The following CACNA2D3 variants were observed in gnomAD, a reference collection of about 807,000 sequenced individuals.
CACNA2D3 encodes the protein voltage-dependent calcium channel subunit alpha-2/delta-3.
CACNA2D3 carries 60 observed loss-of-function variants against 160.6 expected under a neutral mutation model. That is an observed-to-expected ratio of 0.37 (90% CI 0.30 to 0.46). The LOEUF (loss-of-function observed/expected upper bound fraction) is 0.46, where lower values mean the gene tolerates loss of function less well. Ranked by LOEUF, CACNA2D3 falls within the 20% of genes least tolerant of loss-of-function variation. The pLI is 1.00. For missense variants in CACNA2D3, 1,205 were observed against 1,365.0 expected, an observed-to-expected ratio of 0.88 and a Z score of 1.85; for synonymous variants, 558 against 492.9, an observed-to-expected ratio of 1.13 and a Z score of -1.75.
intron 4 of CACNA2D3, among the ~76,000 whole-genome samples, chr3:54,492,797 A>G (rs188119452): frequency 6.6e-6 from 1 of 152,324 alleles, no homozygotes; most frequent in East Asian, 1.9e-4. Context: ...TCATTGAAAA[A>G]GAAAAAACCT....
At chr3:54,726,388 A>C (rs575339539) in intron 11 of CACNA2D3, among the ~76,000 whole-genome samples, 219 of 152,256 alleles carry the variant, frequency 1.4e-3, no homozygotes, top group African/African-American at 5.0e-3. Flanking sequence ...CACTGACTTT[A>C]TTCACAGAAT....
chr3:54,911,633 G>C (rs1575365785), intron 27 of CACNA2D3, among the ~76,000 whole-genome samples: 1 of 151,864 alleles, frequency 6.6e-6, no homozygotes, highest in Non-Finnish European at 1.5e-5. Context: ...TCCCTCAGTG[G>C]GCCGCTCCAC....
At chr3:54,739,425 C>CAAAAAAAAAAAAA (rs780105524) in intron 11 of CACNA2D3, among the ~76,000 whole-genome samples, 2 of 85,322 alleles carry the variant, frequency 2.3e-5, no homozygotes, top group African/African-American at 4.9e-5. Flanking sequence ...GACTCTGTCT[C>CAAAAAAAAAAAAA]AAAAAAAAAA....
rs1473433380 is a variant in CACNA2D3 at position 54,624,908 on chromosome 3, C to T, written c.964-2879C>T. On this transcript the variant is annotated intron_variant, in intron 9 of 37. Coordinates refer to ENST00000474759, the MANE Select transcript of CACNA2D3 (RefSeq NM_018398.3). The stretch of plus-strand genomic sequence containing the variant: ...ATGGTGGTCACAAGCCTGATTTCCA[C>T]CGGGGGTGGTTGTTGGTGAAGGCAG... Among the ~76,000 whole-genome samples the T allele has an allele frequency of 2.0e-5, 3 of 152,336 alleles. No homozygotes were observed. The East Asian group carries it at 5.8e-4, about 29-fold the overall frequency.
intron 29 of CACNA2D3, among the ~76,000 whole-genome samples, chr3:54,972,519 A>G (rs1183024941): frequency 6.6e-6 from 1 of 152,018 alleles, no homozygotes; most frequent in East Asian, 1.9e-4. Context: ...TCAGGTCTCC[A>G]TTAAAAACAG....
chr3:54,159,310 A>C (rs1700300896), intron 2 of CACNA2D3, among the ~76,000 whole-genome samples: 1 of 151,578 alleles, frequency 6.6e-6, no homozygotes, highest in East Asian at 1.9e-4. Context: ...TGCTCAGTGC[A>C]TTGTGCTTTA....
intron 35 of CACNA2D3, among the ~76,000 whole-genome samples, chr3:55,023,706 T>C (rs1298241454): frequency 6.6e-6 from 1 of 152,154 alleles, no homozygotes; most frequent in African/African-American, 2.4e-5. Flanking sequence ...GCTTCTATCA[T>C]GTATCCTATT....
chr3:54,287,671 T>G (rs1171171184), intron 2 of CACNA2D3, among the ~76,000 whole-genome samples: 16 of 143,764 alleles, frequency 1.1e-4, no homozygotes, highest in East Asian at 6.3e-4. Flanking sequence ...ACCACATACT[T>G]GGAAGTAAAG....
chr3:54,628,935 G>T (rs1699177957), intron 10 of CACNA2D3, among the ~76,000 whole-genome samples: 1 of 152,138 alleles, frequency 6.6e-6, no homozygotes, highest in South Asian at 2.1e-4. Context: ...TCCTGTGGAA[G>T]TTGGAACTAT....
intron 11 of CACNA2D3, among the ~76,000 whole-genome samples, chr3:54,661,837 G>GGT (rs1559542452): frequency 1.3e-3 from 44 of 34,832 alleles, no homozygotes; most frequent in Admixed American, 6.9e-3. Flanking sequence ...ACATCTCAGG[G>GGT]ATGTGTGTAT....
chr3:54,394,546 A>C (rs1336998178), intron 4 of CACNA2D3, among the ~76,000 whole-genome samples: 1 of 121,460 alleles, frequency 8.2e-6, no homozygotes, highest in African/African-American at 3.4e-5. Flanking sequence ...TTCAATTCCC[A>C]CCTATGAGTG....
intron 17 of CACNA2D3, among the ~76,000 whole-genome samples, chr3:54,864,949 T>C (rs1437515143): frequency 1.3e-5 from 2 of 152,038 alleles, no homozygotes; most frequent in Non-Finnish European, 2.9e-5. Flanking sequence ...TCACCTGGAG[T>C]TGTGAAAATG....
At chr3:54,617,951 G>GT (rs113051962) in intron 9 of CACNA2D3, among the ~76,000 whole-genome samples, 3,305 of 142,334 alleles carry the variant, frequency 0.023, 100 homozygotes, top group African/African-American at 0.071. Flanking sequence ...TAGAGTTTGG[G>GT]TTTTTTTTTT....
Position 54,642,233 on chromosome 3 carries a change from G to T in CACNA2D3, c.1159G>T (p.Asp387Tyr). ...DTIFAKYNWP[D>Y]RKVRIFTYLI... ...AATCTTTGCAAAATACAATTGGCCA[G>T]ATCGAAAGGTAAGTTGATGCTGATC... The change falls in exon 11 of 38, where the codon GAT becomes TAT. Residue 387 changes from aspartate to tyrosine, a missense_variant. Around this residue, in one of 3 missense-constraint regions of CACNA2D3, gnomAD observed 911 missense variants for 1,002.2 expected, o/e 0.91. Transcript: ENST00000474759. 6.2e-7 allele frequency: 1 copy of T among 1,605,882 alleles called. No individual in the cohort carries two copies. The highest frequency in any genetic ancestry group is 1.3e-5 in the African/African-American group (1 of 74,860).
chr3:54,367,301 G>A (rs777324019), intron 3 of CACNA2D3, among the ~76,000 whole-genome samples: 16 of 152,100 alleles, frequency 1.1e-4, no homozygotes, highest in Non-Finnish European at 2.2e-4. Context: ...TTACAAAAAG[G>A]CAGACCACTC....
chr3:54,149,932 C>CTCTCT (rs1559863353), intron 2 of CACNA2D3, among the ~76,000 whole-genome samples: 12 of 23,824 alleles, frequency 5.0e-4, no homozygotes, highest in African/African-American at 1.4e-3. Flanking sequence ...TCTCTCTCTC[C>CTCTCT]CTCCCTCCCT....
chr3:54,538,889 T>A (rs1326060902), intron 5 of CACNA2D3, among the ~76,000 whole-genome samples: 1 of 152,212 alleles, frequency 6.6e-6, no homozygotes, highest in African/African-American at 2.4e-5. Context: ...CCCAGTAATT[T>A]ACTTATTCTC....
chr3:54,485,473 T>C (rs566851713), intron 4 of CACNA2D3, among the ~76,000 whole-genome samples: 18 of 152,308 alleles, frequency 1.2e-4, no homozygotes, highest in Admixed American at 3.3e-4. Context: ...GTGAGCCGTC[T>C]AGCAATCAGT....
chr3:55,001,407 G>A (rs1575429887), intron 31 of CACNA2D3, among the ~76,000 whole-genome samples: 1 of 152,210 alleles, frequency 6.6e-6, no homozygotes. Context: ...AGCAGCTATA[G>A]CTCTGCCTCC....
Sources: allele counts gnomAD v4.1 joint callset (sites outside exome capture counted in the v4.1 genomes callset), GRCh38; gene constraint gnomAD v4.1.1; regional missense constraint gnomAD v4.1.1; transcripts MANE v1.5; gene names NCBI Gene and HGNC (gene_info 2026-07-23, HGNC 2026-07-21).